SAMD12: variants seen among roughly 807,000 people sequenced by gnomAD.
The protein encoded by SAMD12 is sterile alpha motif domain-containing protein 12.
A neutral mutation model predicts 15.0 loss-of-function variants in SAMD12; 9 were observed. The ratio of observed to expected loss-of-function variants is 0.60; its 90% CI spans 0.36 to 1.05. SAMD12 has a LOEUF of 1.05. SAMD12 is among the 50% of genes least tolerant of loss of function. SAMD12 has a pLI of 0.01. For missense variants in SAMD12, 230 were observed against 234.2 expected, an observed-to-expected ratio of 0.98 and a Z score of 0.12; for synonymous variants, 86 against 90.1, an observed-to-expected ratio of 0.96 and a Z score of 0.25.
chr8:118,577,186 G>C (rs1373013305), intron 2 of SAMD12, among the ~76,000 whole-genome samples: 1 of 152,080 alleles, frequency 6.6e-6, no homozygotes, highest in East Asian at 1.9e-4. Context: ...TACTCTACTG[G>C]TTTCTCTTTG....
chr8:118,414,136 G>A (rs17749634), intron 3 of SAMD12, among the ~76,000 whole-genome samples: 10,553 of 152,182 alleles, frequency 0.069, 418 homozygotes, highest in Non-Finnish European at 0.087. Flanking sequence ...TAACGCATGC[G>A]TATATAAAGA....
intron 4 of SAMD12, among the ~76,000 whole-genome samples, chr8:118,219,503 T>G (rs1415469470): frequency 6.6e-6 from 1 of 152,242 alleles, no homozygotes; most frequent in Admixed American, 6.5e-5. Flanking sequence ...TTCTTTCATA[T>G]CACCTCCCAG....
intron 1 of SAMD12, among the ~76,000 whole-genome samples, chr8:118,589,082 A>G (rs1563599902): frequency 6.6e-6 from 1 of 152,244 alleles, no homozygotes; most frequent in Non-Finnish European, 1.5e-5. Flanking sequence ...AGTGGCCAAT[A>G]ATAGATGGCT....
intron 2 of SAMD12, among the ~76,000 whole-genome samples, chr8:118,465,137 T>C (rs1325986497): frequency 6.6e-6 from 1 of 152,136 alleles, no homozygotes; most frequent in Admixed American, 6.5e-5. Flanking sequence ...TCTTAAAATA[T>C]ACCCCAACCA....
intron 4 of SAMD12, among the ~76,000 whole-genome samples, chr8:118,240,810 G>C (rs1473703136): frequency 6.6e-6 from 1 of 152,140 alleles, no homozygotes; most frequent in Non-Finnish European, 1.5e-5. Flanking sequence ...TCTTGCTTGA[G>C]ATTGCCCGTG....
chr8:118,398,444 G>A lies in SAMD12; in HGVS notation c.323-18744C>T, dbSNP rs114892070. Among the ~76,000 whole-genome samples, 973 of 152,154 alleles carry A rather than the reference G, an allele frequency of 6.4e-3. 10 individuals carry two copies. Among genetic ancestry groups the A allele is most frequent in the African/African-American group, 0.022 (927 of 41,536 alleles). ...AAAAATAAATAAATAAAATGGCTAC[G>A]ATCACATAGATAGCAAATGACAGAA... On this transcript the variant is annotated intron_variant, in intron 3 of 3. Coordinates refer to ENST00000314727, the MANE Select transcript of SAMD12 (RefSeq NM_207506.3).
At position 118,227,324 on chromosome 8, in the gene SAMD12, G is replaced by A. The variant is rs187265699; in HGVS notation, c.434-29592C>T. ...AGTGTGAGCCAAATGATGAGAACTC[G>A]TGGACATAAAGAAGGGAACAACAGA... On this transcript the variant is annotated intron_variant, in intron 4 of 4. Coordinates refer to the SAMD12 transcript ENST00000409003. Among the ~76,000 whole-genome samples the A allele has an allele frequency of 3.3e-5, 5 of 152,148 alleles. No individual in the cohort carries two copies. The East Asian group carries it at 7.7e-4, about 24-fold the overall frequency.
Position 118,621,896 on chromosome 8 carries a change from G to T in SAMD12, c.-80C>A, listed in dbSNP as rs575296758. On this transcript the variant is annotated 5_prime_UTR_variant, in exon 1 of 4. Transcript: ENST00000314727. ...TGCCCCGCGCTCCCCCCTTCCTCTCGCTTTCGCCTAAATATTCTGCGCTTA... is the reference window on the plus strand; with the variant it reads ...TGCCCCGCGCTCCCCCCTTCCTCTCTCTTTCGCCTAAATATTCTGCGCTTA... 3 of 1,486,596 alleles carry T rather than the reference G, an allele frequency of 2.0e-6. No individual in the cohort carries two copies. The highest frequency in any genetic ancestry group is 9.4e-7 in the Non-Finnish European group (1 of 1,063,938). The allele number at this position is 1,486,596 out of a possible 1,614,324, so 92.1% of individuals were successfully genotyped here.
At chr8:118,264,646 C>T (rs746150544) in intron 4 of SAMD12, among the ~76,000 whole-genome samples, 31 of 152,092 alleles carry the variant, frequency 2.0e-4, no homozygotes, top group Non-Finnish European at 3.7e-4. Flanking sequence ...TCTCTGGGAA[C>T]GGGACCTGGC....
chr8:118,161,507 A>G, the SAMD12 span, among the ~76,000 whole-genome samples: 1 of 149,148 alleles, frequency 6.7e-6, no homozygotes, highest in Non-Finnish European at 1.5e-5. Context: ...GGATGCAGTG[A>G]GCCGCTGTGA....
the SAMD12 span, among the ~76,000 whole-genome samples, chr8:118,174,388 G>A: frequency 6.6e-6 from 1 of 152,180 alleles, no homozygotes; most frequent in Non-Finnish European, 1.5e-5. Flanking sequence ...GGAGACAAGA[G>A]GTGTTCAAGG....
At chr8:118,147,083 G>C in the SAMD12 span, among the ~76,000 whole-genome samples, 2 of 151,620 alleles carry the variant, frequency 1.3e-5, no homozygotes, top group Non-Finnish European at 2.9e-5. Context: ...GGAGTGCAGT[G>C]GCATGATCGT....
intron 4 of SAMD12, among the ~76,000 whole-genome samples, chr8:118,354,738 TC>T (rs2130612502): frequency 6.6e-6 from 1 of 152,342 alleles, no homozygotes; most frequent in Admixed American, 6.5e-5. Flanking sequence ...TCAGAGGTAT[TC>T]CAGAGCACTT....
chr8:118,209,887 T>C (rs1819970104), intron 4 of SAMD12, among the ~76,000 whole-genome samples: 1 of 152,172 alleles, frequency 6.6e-6, no homozygotes, highest in Admixed American at 6.5e-5. Context: ...GCCAATACCC[T>C]GGAGAGCCCA....
the SAMD12 span, among the ~76,000 whole-genome samples, chr8:118,145,477 G>C: frequency 6.6e-6 from 1 of 152,262 alleles, no homozygotes; most frequent in African/African-American, 2.4e-5. Flanking sequence ...TGTTTATTGA[G>C]ATCCTACTGT....
At chr8:118,603,352 G>A (rs1393234408) in intron 1 of SAMD12, among the ~76,000 whole-genome samples, 1 of 152,032 alleles carries the variant, frequency 6.6e-6, no homozygotes, top group African/African-American at 2.4e-5. Flanking sequence ...CACTCAGACT[G>A]GAGAAAAGAT....
chr8:118,584,581 T>C (rs1243736554), intron 1 of SAMD12, among the ~76,000 whole-genome samples: 1 of 152,224 alleles, frequency 6.6e-6, no homozygotes, highest in African/African-American at 2.4e-5. Context: ...TGGGAAGTGC[T>C]GCTGCTGTCA....
intron 4 of SAMD12, among the ~76,000 whole-genome samples, chr8:118,217,683 T>G (rs1465669081): frequency 6.6e-6 from 1 of 152,140 alleles, no homozygotes; most frequent in Admixed American, 6.5e-5. Flanking sequence ...AAGGGTATTT[T>G]AGAAAGTTAG....
At chr8:118,144,244 C>A in the SAMD12 span, among the ~76,000 whole-genome samples, 2 of 152,196 alleles carry the variant, frequency 1.3e-5, no homozygotes, top group Non-Finnish European at 2.9e-5. Context: ...ATTACATCTT[C>A]GAAGACTTTT....
Sources: allele counts gnomAD v4.1 joint callset (sites outside exome capture counted in the v4.1 genomes callset), GRCh38; gene constraint gnomAD v4.1.1; transcripts MANE v1.5; gene names NCBI Gene and HGNC (gene_info 2026-07-23, HGNC 2026-07-21).